ZNF148: variants seen among roughly 807,000 people sequenced by gnomAD.
ZNF148 encodes zinc finger protein 148.
In ZNF148, 7 loss-of-function variants were observed where a neutral mutation model predicts 67.7. The observed-to-expected ratio is 0.10, with a 90% confidence interval of 0.06 to 0.19. ZNF148 has a LOEUF of 0.19. Among genes scored for constraint, ZNF148 ranks in the 10% least tolerant of loss-of-function variants. The pLI is 1.00. For synonymous variants in ZNF148, 333 were observed against 330.7 expected (o/e 1.01, Z -0.08); for missense variants, 583 against 947.1 (o/e 0.62, Z 5.05).
chr3:125,334,293 C>T (rs1941404472), intron 1 of ZNF148, among the ~76,000 whole-genome samples: 2 of 152,270 alleles, frequency 1.3e-5, no homozygotes, highest in East Asian at 3.9e-4. Flanking sequence ...TTTTACAACA[C>T]ATTAAGATTC....
intron 1 of ZNF148, chr3:125,344,683 T>G: frequency 1.6e-6 from 1 of 641,850 alleles, no homozygotes; most frequent in Non-Finnish European, 2.9e-6. Flanking sequence ...TCTCTGCTTC[T>G]TCTTTATTCT....
At chr3:125,277,901 A>C in intron 6 of ZNF148, 92 bp from the exon 7 acceptor site, 5 of 945,298 alleles carry the variant, frequency 5.3e-6, no homozygotes, top group Middle Eastern at 3.3e-4. Context: ...TTAGATGCCC[A>C]AATTTTGGAA....
At chr3:125,293,088 T>C (rs1939100325) in intron 4 of ZNF148, among the ~76,000 whole-genome samples, 1 of 152,206 alleles carries the variant, frequency 6.6e-6, no homozygotes, top group Non-Finnish European at 1.5e-5. Flanking sequence ...GACAAATTAA[T>C]ACATAAAACT....
intron 7 of ZNF148, among the ~76,000 whole-genome samples, chr3:125,243,224 C>T (rs186523090): frequency 6.6e-6 from 1 of 152,162 alleles, no homozygotes; most frequent in East Asian, 1.9e-4. Flanking sequence ...AAATTCATTC[C>T]TGGGCTTGTC....
intron 7 of ZNF148, among the ~76,000 whole-genome samples, chr3:125,258,494 G>A (rs1431903252): frequency 6.6e-6 from 1 of 150,604 alleles, no homozygotes; most frequent in Non-Finnish European, 1.5e-5. Flanking sequence ...AAACTCCTGG[G>A]CTCATGATAT....
intron 1 of ZNF148, among the ~76,000 whole-genome samples, chr3:125,359,600 C>T (rs539843629): frequency 6.6e-6 from 1 of 152,208 alleles, no homozygotes; most frequent in East Asian, 1.9e-4. Context: ...ACCCGAATCT[C>T]TTTACTTATG....
At chr3:125,342,217 G>A (rs1214608846) in intron 1 of ZNF148, among the ~76,000 whole-genome samples, 8 of 151,722 alleles carry the variant, frequency 5.3e-5, no homozygotes, top group Non-Finnish European at 1.2e-4. Flanking sequence ...TTGAAGAAAT[G>A]ATAACTGAAA....
In ZNF148 at chr3:125,232,298, T is replaced by C; in HGVS notation, c.*43A>G. ...ACAGAGTAACCCCACTCTTGATTAA[T>C]CTGTTCTAAAGTGCCAGTATTATTT... On this transcript the variant is annotated 3_prime_UTR_variant, in exon 9 of 9. Coordinates refer to ENST00000360647, the MANE Select transcript of ZNF148 (RefSeq NM_021964.3). This position sits in a 1 kb window ranked among gnomAD's most constrained non-coding sequence, Gnocchi z 4.2. 6.5e-7 allele frequency: 1 copy of C among 1,544,704 alleles called. No homozygotes were observed. The highest frequency in any genetic ancestry group is 1.2e-5 in the South Asian group (1 of 80,462).
chr3:125,308,136 A>C (rs193047973), intron 4 of ZNF148, among the ~76,000 whole-genome samples: 27 of 152,354 alleles, frequency 1.8e-4, no homozygotes, highest in Non-Finnish European at 3.1e-4. Context: ...GGACAATACA[A>C]TAGTGAAGAA....
At position 125,232,295 on chromosome 3, in the gene ZNF148, T is replaced by C; in HGVS notation, c.*46A>G. On this transcript the variant is annotated 3_prime_UTR_variant, in exon 9 of 9. Coordinates refer to ENST00000360647, the MANE Select transcript of ZNF148 (RefSeq NM_021964.3). This position sits in a 1 kb window ranked among gnomAD's most constrained non-coding sequence, Gnocchi z 4.2. ...TACACAGAGTAACCCCACTCTTGAT[T>C]AATCTGTTCTAAAGTGCCAGTATTA... 1 of 1,541,736 alleles carries C rather than the reference T, an allele frequency of 6.5e-7. No individual in the cohort carries two copies. The highest frequency in any genetic ancestry group is 8.7e-7 in the Non-Finnish European group (1 of 1,147,638).
At position 125,327,259 on chromosome 3, in the gene ZNF148, T is replaced by C. The variant is rs534792005; in HGVS notation, c.-152-3815A>G. Among the ~76,000 whole-genome samples the C allele has an allele frequency of 3.9e-5, 6 of 152,254 alleles. No homozygotes were observed. The East Asian group carries it at 9.6e-4, about 24-fold the overall frequency. ...AATAATGAAGCAGTAACTAACATTA[T>C]TGAAAGGAAAAATTAAAAATTCAAC... On this transcript the variant is annotated intron_variant, in intron 2 of 8. Coordinates refer to ENST00000360647, the MANE Select transcript of ZNF148 (RefSeq NM_021964.3).
intron 1 of ZNF148, chr3:125,344,299 T>C: frequency 6.3e-6 from 3 of 476,446 alleles, no homozygotes; most frequent in East Asian, 3.9e-5. Flanking sequence ...GAAGCCCCCA[T>C]GACCTAGTGA....
chr3:125,254,339 A>C (rs1248857390), intron 7 of ZNF148, among the ~76,000 whole-genome samples: 1 of 152,202 alleles, frequency 6.6e-6, no homozygotes, highest in Non-Finnish European at 1.5e-5. Flanking sequence ...CTTGAAAATA[A>C]TGTGTACTTG....
chr3:125,328,244 A>G lies in ZNF148; in HGVS notation c.-153+2914T>C, dbSNP rs567499008. Among the ~76,000 whole-genome samples, 185 of 152,302 alleles carry G rather than the reference A, an allele frequency of 1.2e-3. 1 individual carries two copies. Among genetic ancestry groups the G allele is most frequent in the African/African-American group, 4.3e-3 (180 of 41,578 alleles). On this transcript the variant is annotated intron_variant, in intron 2 of 8. Transcript: ENST00000360647. ...GTGAGCCCTATAATCAATGATAAAGACCTTTAAATCTAACACAGAACTGTT... is the reference window on the plus strand; with the variant it reads ...GTGAGCCCTATAATCAATGATAAAGGCCTTTAAATCTAACACAGAACTGTT...
At chr3:125,303,393 A>G (rs1939703576) in intron 4 of ZNF148, among the ~76,000 whole-genome samples, 1 of 152,198 alleles carries the variant, frequency 6.6e-6, no homozygotes, top group Non-Finnish European at 1.5e-5. Flanking sequence ...CCGGCTGCAC[A>G]TCAGGAGGTG....
intron 4 of ZNF148, among the ~76,000 whole-genome samples, chr3:125,308,734 C>A (rs531784916): frequency 1.7e-4 from 26 of 152,078 alleles, no homozygotes; most frequent in African/African-American, 5.3e-4. Context: ...TCAATGAAAA[C>A]CCACAAGAAA....
chr3:125,280,086 C>T (rs758545298), intron 5 of ZNF148, among the ~76,000 whole-genome samples: 77 of 151,968 alleles, frequency 5.1e-4, no homozygotes, highest in Non-Finnish European at 9.0e-4. Flanking sequence ...TATTCTAGAA[C>T]TACTAAATTA....
intron 7 of ZNF148, among the ~76,000 whole-genome samples, chr3:125,244,573 C>T (rs1472174057): frequency 6.6e-6 from 1 of 152,062 alleles, no homozygotes; most frequent in African/African-American, 2.4e-5. Context: ...TCTCGGCTCA[C>T]TGCAACCTCC....
Position 125,227,550 on chromosome 3 carries a change from T to C in ZNF148, c.*4791A>G, listed in dbSNP as rs985873848. The C allele has an allele frequency of 2.0e-5, 3 of 152,626 alleles. No homozygotes were observed. Among genetic ancestry groups the C allele is most frequent in the African/African-American group, 4.8e-5 (2 of 41,462 alleles). The allele number at this position is 152,626 out of a possible 1,614,324, so 9.5% of individuals were successfully genotyped here. A position where few individuals can be genotyped will look rare whatever the true frequency, so the allele number is the denominator to read the frequency against. On this transcript the variant is annotated 3_prime_UTR_variant, in exon 9 of 9. Coordinates refer to ENST00000360647, the MANE Select transcript of ZNF148 (RefSeq NM_021964.3). ...AGATTAAATTCAGCACTACACAGTA[T>C]GCCCTTGAAGTAAAATGAGGTTACC... is the stretch of plus-strand genomic sequence containing the variant.
Sources: allele counts gnomAD v4.1 joint callset (sites outside exome capture counted in the v4.1 genomes callset), GRCh38; gene constraint gnomAD v4.1.1; non-coding constraint Gnocchi (gnomAD v3.1); transcripts MANE v1.5; gene names NCBI Gene and HGNC (gene_info 2026-07-23, HGNC 2026-07-21).